FAM135A: variants seen among roughly 807,000 people sequenced by gnomAD.
FAM135A encodes the protein family with sequence similarity 135 member A, also known as protein FAM135A.
Under a neutral mutation model 146.8 loss-of-function variants are expected in FAM135A, and 79 were observed. That is an observed-to-expected ratio of 0.54 (90% CI 0.45 to 0.65). The LOEUF (loss-of-function observed/expected upper bound fraction) is 0.65, where lower values mean the gene tolerates loss of function less well. Among genes scored for constraint, FAM135A ranks in the 30% least tolerant of loss-of-function variants. FAM135A has a pLI of 0.00. For synonymous variants in FAM135A, 562 were observed against 603.6 expected, an observed-to-expected ratio of 0.93 and a Z score of 1.01; for missense variants, 1,623 against 1,758.2, an observed-to-expected ratio of 0.92 and a Z score of 1.38.
chr6:70,471,834 G>A (rs1781684086), intron 5 of FAM135A, among the ~76,000 whole-genome samples: 1 of 152,116 alleles, frequency 6.6e-6, no homozygotes, highest in Non-Finnish European at 1.5e-5. Context: ...GGGTTAGAGA[G>A]CAAGAACGCT....
At chr6:70,469,968 G>A (rs1781273089) in intron 5 of FAM135A, among the ~76,000 whole-genome samples, 3 of 151,400 alleles carry the variant, frequency 2.0e-5, no homozygotes, top group Admixed American at 6.6e-5. Flanking sequence ...CTATAGCCTG[G>A]GCACAGAGTA....
chr6:70,528,188 C>G, intron 15 of FAM135A, 104 bp from the exon 16 acceptor site: 1 of 1,132,460 alleles, frequency 8.8e-7, no homozygotes, highest in Non-Finnish European at 1.2e-6. Flanking sequence ...GGTTTTAAAA[C>G]CAAATATTGT....
Position 70,475,563 on chromosome 6 carries a change from C to G in FAM135A, c.297+14C>G. 2 of 1,579,398 alleles carry G rather than the reference C, an allele frequency of 1.3e-6. No homozygotes were observed. The highest frequency in any genetic ancestry group is 2.4e-5 in the South Asian group (2 of 84,896). ...GATGAAAGAAAGGTAAACATCTCTT[C>G]ATATTTATTTATGTAAATATTTTTT... On this transcript the variant is annotated intron_variant, in intron 6 of 21. Transcript: ENST00000418814.
At chr6:70,433,776 T>G (rs1187459461) in intron 4 of FAM135A, among the ~76,000 whole-genome samples, 1 of 152,188 alleles carries the variant, frequency 6.6e-6, no homozygotes, top group Non-Finnish European at 1.5e-5. Context: ...TGTAATAGAT[T>G]ATTCAATGTT....
chr6:70,524,851 TATTGAA>T lies in FAM135A; in HGVS notation c.1769_1774del (p.Ile590_Glu591del). 6.3e-7 allele frequency: 1 copy of T among 1,598,816 alleles called. No individual in the cohort carries two copies. The highest frequency in any genetic ancestry group is 1.1e-5 in the South Asian group (1 of 88,870). Reference sequence around the variant, plus strand: ...AGAGAACTGAACAAAAGTCTCCAGATATTGAAAATGTTCAACCAGACCAGTTTGATC... The same window carrying T: ...AGAGAACTGAACAAAAGTCTCCAGATAATGTTCAACCAGACCAGTTTGATC... On this transcript the variant is annotated inframe_deletion, in exon 15 of 22. Coordinates refer to ENST00000418814, the MANE Select transcript of FAM135A (RefSeq NM_001162529.3).
At chr6:70,435,839 T>C (rs561897306) in intron 4 of FAM135A, among the ~76,000 whole-genome samples, 4 of 152,296 alleles carry the variant, frequency 2.6e-5, no homozygotes, top group African/African-American at 9.6e-5. Context: ...TTACAACTTT[T>C]GAAAAAAGTG....
Position 70,525,865 on chromosome 6 carries a change from TGAA to T in FAM135A, c.2784_2786del (p.Glu929del). Reference sequence around the variant, plus strand: ...ACCCTTTACAATTTGTTTTTTCAGATGAAGAGACTTCCAGTGATGTGAAAAGTA... The same window carrying T: ...ACCCTTTACAATTTGTTTTTTCAGATGAGACTTCCAGTGATGTGAAAAGTA... On this transcript the variant is annotated inframe_deletion, in exon 15 of 22. Transcript: ENST00000418814. 1.2e-6 allele frequency: 2 copies of T among 1,612,286 alleles called. No homozygotes were observed. The highest frequency in any genetic ancestry group is 2.2e-5 in the South Asian group (2 of 90,694).
At chr6:70,423,373 G>C (rs1202982135) in intron 2 of FAM135A, among the ~76,000 whole-genome samples, 2 of 152,214 alleles carry the variant, frequency 1.3e-5, no homozygotes, top group Non-Finnish European at 2.9e-5. Context: ...TTAGGGTATA[G>C]AGTAGGTATA....
Position 70,524,747 on chromosome 6 carries a change from T to C in FAM135A, c.1663T>C (p.Cys555Arg). 2 of 1,548,926 alleles carry C rather than the reference T, an allele frequency of 1.3e-6. No homozygotes were observed. Among genetic ancestry groups the C allele is most frequent in the East Asian group, 2.4e-5 (1 of 40,902 alleles). ...SQKEGLDPTICGYNFDPKTYM... is the reference protein window; with the variant it reads ...SQKEGLDPTIRGYNFDPKTYM... ...GAAGGAAGGTCTGGATCCCACAATA[T>C]GTGGATATAATTTTGACCCAAAGAC... The change falls in exon 15 of 22, where the codon TGT becomes CGT. Residue 555 changes from cysteine (C) to arginine (R), a missense_variant. By Grantham distance (180) the Cys-to-Arg change is radical. This residue lies in a region of FAM135A where 1,061 missense variants were observed against 1,113.8 expected (regional missense o/e 0.95). Transcript: ENST00000418814.
chr6:70,479,093 A>AT (rs1462932869), intron 8 of FAM135A, among the ~76,000 whole-genome samples: 1 of 152,112 alleles, frequency 6.6e-6, no homozygotes, highest in Non-Finnish European at 1.5e-5. Flanking sequence ...TGTTTTAACT[A>AT]TTTCTTTTTA....
intron 12 of FAM135A, among the ~76,000 whole-genome samples, chr6:70,508,037 G>A (rs1304390078): frequency 6.6e-6 from 1 of 152,080 alleles, no homozygotes; most frequent in Non-Finnish European, 1.5e-5. Context: ...ATTATCATTT[G>A]TTCTCTTTCC....
At chr6:70,538,853 A>ATATTATATT (rs1562005953) in intron 20 of FAM135A, among the ~76,000 whole-genome samples, 5 of 139,422 alleles carry the variant, frequency 3.6e-5, no homozygotes, top group African/African-American at 1.4e-4. Flanking sequence ...ATATTATATT[A>ATATTATATT]TATTATATGG....
At chr6:70,540,679 C>G (rs1368571197) in intron 20 of FAM135A, among the ~76,000 whole-genome samples, 2 of 152,124 alleles carry the variant, frequency 1.3e-5, no homozygotes, top group African/African-American at 4.8e-5. Flanking sequence ...TACTCCCTTC[C>G]TGACTCAAGT....
At chr6:70,467,400 G>C (rs1582334176) in intron 5 of FAM135A, among the ~76,000 whole-genome samples, 1 of 151,904 alleles carries the variant, frequency 6.6e-6, no homozygotes, top group African/African-American at 2.4e-5. Flanking sequence ...TTGGTAACTG[G>C]GGTTCTGATG....
chr6:70,444,517 G>A (rs905582876), intron 4 of FAM135A, among the ~76,000 whole-genome samples: 2 of 152,004 alleles, frequency 1.3e-5, no homozygotes, highest in Non-Finnish European at 2.9e-5. Context: ...ATGAGCCATG[G>A]TTGCACCACT....
At chr6:70,548,091 T>A (rs1799174489) in intron 20 of FAM135A, among the ~76,000 whole-genome samples, 1 of 152,194 alleles carries the variant, frequency 6.6e-6, no homozygotes, top group Non-Finnish European at 1.5e-5. Flanking sequence ...TCAACTCAGA[T>A]GAAGTACTGC....
intron 11 of FAM135A, among the ~76,000 whole-genome samples, chr6:70,493,763 A>G (rs190507180): frequency 6.6e-6 from 1 of 152,266 alleles, no homozygotes; most frequent in African/African-American, 2.4e-5. Context: ...CTTAAAAATG[A>G]TGTTTTTGGC....
chr6:70,464,166 G>A (rs1779935973), intron 5 of FAM135A, among the ~76,000 whole-genome samples: 1 of 152,148 alleles, frequency 6.6e-6, no homozygotes, highest in East Asian at 1.9e-4. Flanking sequence ...TTAACCAAAG[G>A]AAACGGAAAT....
intron 5 of FAM135A, among the ~76,000 whole-genome samples, chr6:70,474,669 A>G (rs1782271112): frequency 6.6e-6 from 1 of 152,170 alleles, no homozygotes; most frequent in East Asian, 1.9e-4. Context: ...TCTCCCCATT[A>G]AGTAAGGACG....
Sources: gnomAD v4.1 joint callset for allele counts (sites outside exome capture counted in the v4.1 genomes callset) on GRCh38, gnomAD v4.1.1 for gene constraint, gnomAD v4.1.1 regional missense constraint, MANE v1.5 for transcripts, NCBI Gene and HGNC (gene_info 2026-07-23, HGNC 2026-07-21) for gene names.